The following DIP2C variants were observed in gnomAD, a reference collection of about 807,000 sequenced individuals.
DIP2C encodes disco-interacting protein 2 homolog C.
Under a neutral mutation model 192.4 loss-of-function variants are expected in DIP2C, and 33 were observed. The observed-to-expected ratio is 0.17, with a 90% CI of 0.13 to 0.23. DIP2C has a LOEUF of 0.23. Among genes scored for constraint, DIP2C ranks in the 10% least tolerant of loss-of-function variants. The probability of loss-of-function intolerance (pLI) is 1.00; values close to 1 mark genes in which losing one functional copy is unlikely to be tolerated. For missense variants in DIP2C, 1,537 were observed against 2,110.1 expected (o/e 0.73, Z 5.32); for synonymous variants, 979 against 864.1 (o/e 1.13, Z -2.33).
intron 1 of DIP2C, among the ~76,000 whole-genome samples, chr10:500,781 A>G (rs557013591): frequency 6.6e-6 from 1 of 152,370 alleles, no homozygotes; most frequent in Non-Finnish European, 1.5e-5. Flanking sequence ...AATGGATAAC[A>G]AAACAAGACA....
Position 488,069 on chromosome 10 carries a change from C to G in DIP2C, c.86-1539G>C, listed in dbSNP as rs376198927. Among the ~76,000 whole-genome samples, 40 of 152,324 alleles carry G rather than the reference C, an allele frequency of 2.6e-4. No individual in the cohort carries two copies. The South Asian group carries it at 3.7e-3, about 14-fold the overall frequency. On this transcript the variant is annotated intron_variant, in intron 1 of 36. Coordinates refer to ENST00000280886, the MANE Select transcript of DIP2C (RefSeq NM_014974.3). Reference sequence around the variant, plus strand: ...AACCACAGAAGCAGCCACATGTGCACGTGCTTGATTTAAATCGAGCCCCCA... The same window carrying G: ...AACCACAGAAGCAGCCACATGTGCAGGTGCTTGATTTAAATCGAGCCCCCA...
At chr10:302,446 C>CG (rs1181192496) in intron 32 of DIP2C, among the ~76,000 whole-genome samples, 2 of 152,060 alleles carry the variant, frequency 1.3e-5, no homozygotes, top group Non-Finnish European at 2.9e-5. Context: ...ACCCAAGGGA[C>CG]GGGGGAGTGA....
intron 24 of DIP2C, among the ~76,000 whole-genome samples, chr10:350,701 C>T (rs945564622): frequency 2.1e-5 from 3 of 141,960 alleles, no homozygotes; most frequent in Non-Finnish European, 4.5e-5. Context: ...TGCAGTGGCG[C>T]GATCTCAGCT....
intron 1 of DIP2C, among the ~76,000 whole-genome samples, chr10:487,440 C>A (rs561479124): frequency 1.3e-5 from 2 of 152,214 alleles, no homozygotes; most frequent in Admixed American, 1.3e-4. Flanking sequence ...TCTGCCTCCA[C>A]GGCTGCCTCC....
intron 31 of DIP2C, among the ~76,000 whole-genome samples, chr10:325,849 G>A (rs936335614): frequency 6.6e-6 from 1 of 152,184 alleles, no homozygotes; most frequent in South Asian, 2.1e-4. Flanking sequence ...ATAATTAAAA[G>A]AGAAGCAAGA....
At chr10:481,660 A>T (rs1026328676) in intron 2 of DIP2C, among the ~76,000 whole-genome samples, 3 of 152,256 alleles carry the variant, frequency 2.0e-5, no homozygotes, top group Admixed American at 2.0e-4. Flanking sequence ...ATAAAACTGC[A>T]GCCCAGATAG....
chr10:314,656 C>T (rs553711513), intron 31 of DIP2C, among the ~76,000 whole-genome samples: 3 of 152,280 alleles, frequency 2.0e-5, no homozygotes, highest in South Asian at 2.1e-4. Context: ...CCTCTGTGCT[C>T]GTCTGCTCCG....
At position 636,724 on chromosome 10, in the gene DIP2C, CGA is replaced by C. The variant is rs746050996; in HGVS notation, c.85+52768_85+52769del. 1.3e-5 allele frequency among the ~76,000 whole-genome samples: 2 copies of C among 152,184 alleles called. 1 individual carries two copies. Among genetic ancestry groups the C allele is most frequent in the Non-Finnish European group, 2.9e-5 (2 of 68,036 alleles). Reference sequence around the variant, plus strand: ...ACACCCTTTATCTGTGATGACTTTTCGAGAGTCTGGGGCCAACGTCCTGCAGA... The same window carrying C: ...ACACCCTTTATCTGTGATGACTTTTCGAGTCTGGGGCCAACGTCCTGCAGA... On this transcript the variant is annotated intron_variant, in intron 1 of 36. Coordinates refer to ENST00000280886, the MANE Select transcript of DIP2C (RefSeq NM_014974.3). The surrounding 1 kb of genome is among the most constrained non-coding windows in gnomAD (Gnocchi z 4.6).
chr10:315,843 A>G (rs1026035235), intron 31 of DIP2C, among the ~76,000 whole-genome samples: 1 of 152,002 alleles, frequency 6.6e-6, no homozygotes, highest in African/African-American at 2.4e-5. Context: ...ACTCTGTTCC[A>G]CTGTATTTTC....
chr10:633,374 G>T (rs2131894792), intron 1 of DIP2C, among the ~76,000 whole-genome samples: 1 of 152,302 alleles, frequency 6.6e-6, no homozygotes, highest in South Asian at 2.1e-4. Context: ...GAGCAGACGG[G>T]GGGAGTCCGA....
intron 9 of DIP2C, among the ~76,000 whole-genome samples, chr10:403,737 C>T (rs1189801260): frequency 1.2e-4 from 18 of 149,052 alleles, no homozygotes; most frequent in African/African-American, 4.0e-4. Context: ...AAGTTTGGTA[C>T]ATTTTCATCA....
In DIP2C at chr10:369,720, T is replaced by C. The variant is rs559769767; in HGVS notation, c.1992-87A>G. Reference sequence around the variant, plus strand: ...TGCAGTCAGCACACATGCGGCAGGCTGGGCACCTCTGGGCACAGTGCTGGC... The same window carrying C: ...TGCAGTCAGCACACATGCGGCAGGCCGGGCACCTCTGGGCACAGTGCTGGC... On this transcript the variant is annotated intron_variant, in intron 17 of 36. Transcript: ENST00000280886. 1.8e-5 allele frequency: 29 copies of C among 1,598,144 alleles called. No individual in the cohort carries two copies. In the African/African-American group the frequency reaches 3.7e-4, roughly 21 times the overall value.
rs973776584 is a variant in DIP2C at position 651,087 on chromosome 10, C to A, written c.85+38407G>T. ...CCCTCCTGCTCTTGTCTCTCCCACACCTCCCAAACTCTCTCCTGGCCAGCT... is the reference window on the plus strand; with the variant it reads ...CCCTCCTGCTCTTGTCTCTCCCACAACTCCCAAACTCTCTCCTGGCCAGCT... On this transcript the variant is annotated intron_variant, in intron 1 of 36. Transcript: ENST00000280886. The surrounding 1 kb of genome is among the most constrained non-coding windows in gnomAD (Gnocchi z 4.1). 2 of 717,532 alleles carry A rather than the reference C, an allele frequency of 2.8e-6. No individual in the cohort carries two copies. The highest frequency in any genetic ancestry group is 4.0e-5 in the Admixed American group (2 of 50,020). 44.4% of individuals were successfully genotyped at this position (717,532 alleles called of 1,614,324 possible).
intron 2 of DIP2C, among the ~76,000 whole-genome samples, chr10:481,197 G>A (rs963879258): frequency 3.9e-5 from 6 of 152,162 alleles, no homozygotes; most frequent in African/African-American, 1.2e-4. Flanking sequence ...AACAACCAAC[G>A]GCCAGCCCAG....
In DIP2C at chr10:319,573, A is replaced by G. The variant is rs551200210; in HGVS notation, c.3924+7433T>C. Among the ~76,000 whole-genome samples the G allele has an allele frequency of 6.1e-4, 93 of 152,328 alleles. 2 individuals carry two copies. Among genetic ancestry groups the G allele is most frequent in the South Asian group, 5.4e-3 (26 of 4,828 alleles). ...AAAGACCTTCCAGCTTACATTTTTG[A>G]AGAGTAATTGTGGCTGTGAGAAATA... On this transcript the variant is annotated intron_variant, in intron 31 of 36. Coordinates refer to ENST00000280886, the MANE Select transcript of DIP2C (RefSeq NM_014974.3).
intron 1 of DIP2C, among the ~76,000 whole-genome samples, chr10:562,927 T>C (rs772100497): frequency 3.3e-5 from 5 of 152,330 alleles, no homozygotes; most frequent in Middle Eastern, 3.4e-3. Context: ...GGAATGAATA[T>C]AGCTAAATAC....
At chr10:337,904 TGTG>T (rs1957942661) in intron 29 of DIP2C, among the ~76,000 whole-genome samples, 1 of 149,210 alleles carries the variant, frequency 6.7e-6, no homozygotes, top group African/African-American at 2.5e-5. Flanking sequence ...GTGTGTGTGT[TGTG>T]GAGGCCTAGG....
intron 9 of DIP2C, among the ~76,000 whole-genome samples, chr10:401,701 G>T (rs1964467430): frequency 6.7e-6 from 1 of 148,732 alleles, no homozygotes; most frequent in East Asian, 1.9e-4. Context: ...TCTTCCTTAT[G>T]GACAAGTTTG....
intron 4 of DIP2C, among the ~76,000 whole-genome samples, chr10:436,039 C>T (rs763531204): frequency 2.6e-5 from 4 of 152,072 alleles, no homozygotes; most frequent in Admixed American, 2.0e-4. Flanking sequence ...ACTATACTTT[C>T]AATAAGAAAT....
Sources: allele counts gnomAD v4.1 joint callset (sites outside exome capture counted in the v4.1 genomes callset), GRCh38; gene constraint gnomAD v4.1.1; non-coding constraint Gnocchi (gnomAD v3.1); transcripts MANE v1.5; gene names NCBI Gene and HGNC (gene_info 2026-07-23, HGNC 2026-07-21).